The following PRKD1 variants were observed in gnomAD, a reference collection of about 807,000 sequenced individuals.
PRKD1 encodes serine/threonine-protein kinase D1.
In PRKD1, 63 loss-of-function variants were observed where a neutral mutation model predicts 95.9. That is an observed-to-expected ratio of 0.66 (90% CI 0.54 to 0.81). The LOEUF (loss-of-function observed/expected upper bound fraction) is 0.81. Ranked by LOEUF, PRKD1 falls within the 30% of genes least tolerant of loss-of-function variation. The pLI is 0.00. For missense variants in PRKD1, 1,048 were observed against 1,165.3 expected (o/e 0.90, Z 1.47); for synonymous variants, 425 against 423.1 (o/e 1.00, Z -0.05).
intron 2 of PRKD1, among the ~76,000 whole-genome samples, chr14:29,707,995 C>T (rs1302290262): frequency 6.6e-6 from 1 of 152,150 alleles, no homozygotes; most frequent in Non-Finnish European, 1.5e-5. Flanking sequence ...GCTCCTTGAC[C>T]ATCAAAGGTA....
chr14:29,697,688 C>T (rs367823939), intron 2 of PRKD1, among the ~76,000 whole-genome samples: 1 of 151,990 alleles, frequency 6.6e-6, no homozygotes, highest in African/African-American at 2.4e-5. Context: ...GAAGATCACA[C>T]TTTAGTTCCT....
chr14:29,689,490 G>T (rs926006254), intron 2 of PRKD1, among the ~76,000 whole-genome samples: 9 of 152,090 alleles, frequency 5.9e-5, no homozygotes, highest in African/African-American at 1.9e-4. Context: ...CAACAAGGTT[G>T]CAGAGAAAAA....
chr14:29,882,539 T>A (rs974346823), intron 1 of PRKD1, among the ~76,000 whole-genome samples: 1 of 152,212 alleles, frequency 6.6e-6, no homozygotes, highest in Admixed American at 6.5e-5. Context: ...AAATTTACCA[T>A]CTTAACCATT....
chr14:29,676,183 G>GTTTTTTTTTTTTTTTTTTTTT (rs34953735), intron 2 of PRKD1, among the ~76,000 whole-genome samples: 4 of 67,460 alleles, frequency 5.9e-5, no homozygotes, highest in Admixed American at 1.6e-4. Context: ...TTACGTTTTT[G>GTTTTTTTTTTTTTTTTTTTTT]TTTTTTTTTT....
At chr14:29,722,297 C>T (rs1258461082) in intron 2 of PRKD1, among the ~76,000 whole-genome samples, 3 of 152,192 alleles carry the variant, frequency 2.0e-5, no homozygotes, top group Non-Finnish European at 4.4e-5. Flanking sequence ...GTGTCCCCTT[C>T]AGGGACTAGG....
intron 1 of PRKD1, among the ~76,000 whole-genome samples, chr14:29,860,613 T>C (rs1187549583): frequency 6.6e-6 from 1 of 152,250 alleles, no homozygotes; most frequent in Non-Finnish European, 1.5e-5. Context: ...GCTATAACTT[T>C]AGAAATTAAA....
At chr14:29,629,143 T>C (rs1191601) in intron 10 of PRKD1, 50 bp from the exon 11 acceptor site, 838,136 of 1,498,232 alleles carry the variant, frequency 0.56, 243,382 homozygotes, top group East Asian at 0.65. Context: ...GTAAGAGATG[T>C]AATAGCAAAA....
At chr14:29,715,997 C>T (rs1885589484) in intron 2 of PRKD1, among the ~76,000 whole-genome samples, 1 of 151,984 alleles carries the variant, frequency 6.6e-6, no homozygotes, top group South Asian at 2.1e-4. Context: ...CCATCAAGGC[C>T]CTAACATGGC....
At position 29,632,886 on chromosome 14, in the gene PRKD1, C is replaced by T. The variant is rs779387425; in HGVS notation, c.1375G>A (p.Gly459Arg). 128 of 1,612,950 alleles carry T rather than the reference C, an allele frequency of 7.9e-5. No homozygotes were observed. The highest frequency in any genetic ancestry group is 1.0e-4 in the Non-Finnish European group (122 of 1,179,062). The part of the protein sequence containing the change: ...KCITLFQNDT[G>R]SRYYKEIPLS... ...ACTCTTACCTTGTAGTACCTGCTTC[C>T]TGTGTCATTCTGAAAGAGGGTAATA... The change falls in exon 9 of 18, where the codon GGA becomes AGA. Residue 459 changes from glycine (G) to arginine (R), a missense_variant. By Grantham distance (125) the Gly-to-Arg change is moderately radical. Around this residue, in one of 3 missense-constraint regions of PRKD1, gnomAD observed 739 missense variants for 861.9 expected, o/e 0.86. Transcript: ENST00000331968.
chr14:29,834,189 G>A (rs755639030), intron 1 of PRKD1, among the ~76,000 whole-genome samples: 1 of 152,098 alleles, frequency 6.6e-6, no homozygotes, highest in Non-Finnish European at 1.5e-5. Context: ...TTATCAAACT[G>A]TCTCTGCTCT....
chr14:29,766,708 T>G lies in PRKD1; in HGVS notation c.265-41034A>C, dbSNP rs187423013. Among the ~76,000 whole-genome samples, 78 of 152,300 alleles carry G rather than the reference T, an allele frequency of 5.1e-4. 1 individual carries two copies. The highest frequency in any genetic ancestry group is 1.8e-3 in the African/African-American group (76 of 41,572). On this transcript the variant is annotated intron_variant, in intron 1 of 17. Coordinates refer to ENST00000331968, the MANE Select transcript of PRKD1 (RefSeq NM_002742.3). ...ACCAAATATGATCCAATTCATAGGT[T>G]CTTCAGATTTTGAGATAACGCTTTA...
chr14:29,607,023 T>C (rs1430516292), intron 13 of PRKD1, among the ~76,000 whole-genome samples: 5 of 152,218 alleles, frequency 3.3e-5, no homozygotes, highest in African/African-American at 1.2e-4. Context: ...ATGATAGTAA[T>C]GTGTCAACTC....
chr14:29,744,063 G>A (rs1425671752), intron 1 of PRKD1, among the ~76,000 whole-genome samples: 1 of 152,108 alleles, frequency 6.6e-6, no homozygotes, highest in Non-Finnish European at 1.5e-5. Flanking sequence ...ATCTCATCCA[G>A]TCTCCAGACT....
intron 1 of PRKD1, among the ~76,000 whole-genome samples, chr14:29,821,263 G>A (rs781074446): frequency 7.1e-6 from 1 of 140,262 alleles, no homozygotes; most frequent in Non-Finnish European, 1.6e-5. Flanking sequence ...AGCTAAGATA[G>A]ACATCTTAAG....
chr14:29,645,253 C>A (rs1374958659), intron 4 of PRKD1, among the ~76,000 whole-genome samples: 1 of 152,108 alleles, frequency 6.6e-6, no homozygotes, highest in East Asian at 1.9e-4. Context: ...TGCAGGATAT[C>A]ATGAACCCCT....
At chr14:29,703,478 T>A (rs1375583528) in intron 2 of PRKD1, among the ~76,000 whole-genome samples, 1 of 152,178 alleles carries the variant, frequency 6.6e-6, no homozygotes, top group Non-Finnish European at 1.5e-5. Context: ...AGATGTTATG[T>A]GTTATGTCAG....
intron 16 of PRKD1, among the ~76,000 whole-genome samples, chr14:29,588,706 T>G (rs1001819900): frequency 2.6e-5 from 4 of 151,996 alleles, no homozygotes; most frequent in Admixed American, 2.6e-4. Flanking sequence ...AATTTTGCCT[T>G]TAGTTCCTTC....
intron 2 of PRKD1, among the ~76,000 whole-genome samples, chr14:29,718,777 C>T (rs917566268): frequency 6.6e-6 from 1 of 152,072 alleles, no homozygotes; most frequent in African/African-American, 2.4e-5. Context: ...CTTATAAAAC[C>T]TTAGTTGCCC....
chr14:29,816,809 T>C (rs1180885306), intron 1 of PRKD1, among the ~76,000 whole-genome samples: 1 of 152,166 alleles, frequency 6.6e-6, no homozygotes, highest in Admixed American at 6.5e-5. Context: ...TGTGACCCTA[T>C]GATTAGTAAA....
Sources: gnomAD v4.1 joint callset for allele counts (sites outside exome capture counted in the v4.1 genomes callset) on GRCh38, gnomAD v4.1.1 for gene constraint, gnomAD v4.1.1 regional missense constraint, MANE v1.5 for transcripts, NCBI Gene and HGNC (gene_info 2026-07-23, HGNC 2026-07-21) for gene names.